The following TULP4 variants were observed in gnomAD, a reference collection of about 807,000 sequenced individuals.
The protein encoded by TULP4 is tubby-related protein 4.
Under a neutral mutation model 129.0 loss-of-function variants are expected in TULP4, and 16 were observed. The observed-to-expected ratio is 0.12, with a 90% confidence interval of 0.08 to 0.19. TULP4 has a LOEUF of 0.19. TULP4 is among the 10% of genes least tolerant of loss of function. The pLI, the probability that TULP4 is intolerant of heterozygous loss-of-function variation, is 1.00. For synonymous variants in TULP4, 998 were observed against 854.0 expected (o/e 1.17, Z -2.94); for missense variants, 1,842 against 2,059.1 (o/e 0.89, Z 2.04).
rs1777863120 is a variant in TULP4 at position 158,240,474 on chromosome 6, G to C, written n.68+8171G>C. 2.4e-5 allele frequency among the ~76,000 whole-genome samples: 2 copies of C among 82,978 alleles called. 1 individual carries two copies. The highest frequency in any genetic ancestry group is 5.4e-5 in the Non-Finnish European group (2 of 37,164). The allele number at this position is 82,978 out of a possible 152,430, so 54.4% of individuals were successfully genotyped here. On this transcript the variant is annotated intron_variant and non_coding_transcript_variant, in intron 1 of 1. Transcript: ENST00000620026. ...GGGGCGGCTGGCTGGGCGGAAGGCT[G>C]ACCCCCCCACCTCCCTCCCGGACAG...
At chr6:158,499,390 A>G (rs1382859920) in intron 12 of TULP4, among the ~76,000 whole-genome samples, 1 of 152,206 alleles carries the variant, frequency 6.6e-6, no homozygotes, top group African/African-American at 2.4e-5. Context: ...TCTGGTAAAC[A>G]GTTTTTAAAT....
chr6:158,461,431 A>AAG, intron 5 of TULP4, 132 bp from the exon 6 acceptor site: 8 of 854,124 alleles, frequency 9.4e-6, no homozygotes, highest in Non-Finnish European at 1.3e-5. Flanking sequence ...AAAAAAGGAA[A>AAG]AAACCATGAA....
At chr6:158,385,195 C>T (rs1308095351) in intron 1 of TULP4, among the ~76,000 whole-genome samples, 1 of 152,144 alleles carries the variant, frequency 6.6e-6, no homozygotes, top group Non-Finnish European at 1.5e-5. Flanking sequence ...TCCACACTCA[C>T]CGAAAGTACC....
chr6:158,371,451 A>C (rs1476264775), intron 1 of TULP4, among the ~76,000 whole-genome samples: 1 of 152,212 alleles, frequency 6.6e-6, no homozygotes, highest in African/African-American at 2.4e-5. Context: ...CCCAACTGAT[A>C]CAGGGTGATA....
At position 158,242,644 on chromosome 6, in the gene TULP4, A is replaced by G. The variant is rs1404093085; in HGVS notation, n.68+10341A>G. The G allele has an allele frequency of 1.9e-5, 13 of 686,070 alleles. No individual in the cohort carries two copies. In the Admixed American group the frequency reaches 2.2e-4, roughly 12 times the overall value. The allele number at this position is 686,070 out of a possible 1,614,324, so 42.5% of individuals were successfully genotyped here. On this transcript the variant is annotated intron_variant and non_coding_transcript_variant, in intron 1 of 1. Transcript: ENST00000620026. ...TTGATGACATTCAAGGCTTCTCTGA[A>G]ACTTCCTTTCTGGATAAGGCATATC...
chr6:158,506,488 C>G, intron 13 of TULP4, 90 bp from the exon 14 acceptor site: 1 of 865,456 alleles, frequency 1.2e-6, no homozygotes, highest in South Asian at 1.3e-5. Flanking sequence ...ACCTCGGCCT[C>G]CCAAAGTGCT....
intron 1 of TULP4, among the ~76,000 whole-genome samples, chr6:158,241,663 T>TGGCTCACCGCAACCTC (rs1355991529): frequency 4.6e-5 from 7 of 152,170 alleles, no homozygotes; most frequent in Non-Finnish European, 8.8e-5. Context: ...GGCGTGACCT[T>TGGCTCACCGCAACCTC]GGCTCACCGC....
At chr6:158,449,331 A>G (rs1412559804) in intron 4 of TULP4, among the ~76,000 whole-genome samples, 155 bp downstream of exon 4, 3 of 152,162 alleles carry the variant, frequency 2.0e-5, no homozygotes, top group African/African-American at 7.2e-5. Context: ...AATGCAAGGT[A>G]GGGCTGGCCT....
At chr6:158,242,111 G>A in intron 1 of TULP4, 2 of 849,546 alleles carry the variant, frequency 2.4e-6, no homozygotes, top group Admixed American at 1.7e-5. Flanking sequence ...GTTTGACCCT[G>A]AAGCTGCAGA....
At chr6:158,429,609 C>A in intron 2 of TULP4, 127 bp from the exon 3 acceptor site, 1 of 1,034,284 alleles carries the variant, frequency 9.7e-7, no homozygotes, top group Non-Finnish European at 1.4e-6. Context: ...TTTCAAATAA[C>A]ATATGTTATA....
chr6:158,481,265 G>A lies in TULP4; in HGVS notation c.1462G>A (p.Asp488Asn). The A allele has an allele frequency of 6.2e-7, 1 of 1,614,004 alleles. No individual in the cohort carries two copies. The highest frequency in any genetic ancestry group is 8.5e-7 in the Non-Finnish European group (1 of 1,179,916). Reference protein sequence around the residue: ...SKLRPEFVIMDPRTDSKPDEI... With the variant: ...SKLRPEFVIMNPRTDSKPDEI... ...GCTGCGGCCAGAGTTCGTCATCATG[G>A]ACCCGCGGACAGATAGCAAACCAGG... The change falls in exon 8 of 14, where the codon GAC becomes AAC. Residue 488 changes from aspartate (D) to asparagine (N), a missense_variant. Around this residue, in one of 5 missense-constraint regions of TULP4, gnomAD observed 456 missense variants for 534.3 expected, o/e 0.85. Coordinates refer to ENST00000367097, the MANE Select transcript of TULP4 (RefSeq NM_020245.5).
chr6:158,238,435 A>G, intron 1 of TULP4: 1 of 449,812 alleles, frequency 2.2e-6, no homozygotes, highest in South Asian at 4.1e-5. Context: ...TTTTTTTTAA[A>G]TTTATTTTTT....
chr6:158,324,704 A>G (rs1779709051), intron 1 of TULP4, among the ~76,000 whole-genome samples: 2 of 152,194 alleles, frequency 1.3e-5, no homozygotes, highest in Admixed American at 1.3e-4. Context: ...TGTAGCCCTC[A>G]TAACATCTCT....
rs1429625592 is a variant in TULP4 at position 158,510,679 on chromosome 6, A to G, written c.*3985A>G. ...TTGTGTTTGTTCTCATAGAATATAC[A>G]AAAGTACTGATTCTAGGTAAGAAGG... On this transcript the variant is annotated 3_prime_UTR_variant, in exon 14 of 14. Coordinates refer to ENST00000367097, the MANE Select transcript of TULP4 (RefSeq NM_020245.5). 1 of 152,256 alleles carries G rather than the reference A, an allele frequency of 6.6e-6. No individual in the cohort carries two copies. The highest frequency in any genetic ancestry group is 6.5e-5 in the Admixed American group (1 of 15,280). 9.4% of individuals were successfully genotyped at this position (152,256 alleles called of 1,614,324 possible).
upstream of TULP4, among the ~76,000 whole-genome samples, chr6:158,278,937 TTTTG>T (rs1443593911): frequency 1.8e-4 from 18 of 97,958 alleles, no homozygotes; most frequent in African/African-American, 7.5e-4. Flanking sequence ...TGTTGTTTTT[TTTTG>T]TTTTTTTTTT....
intron 5 of TULP4, among the ~76,000 whole-genome samples, chr6:158,452,678 C>G (rs1217858410): frequency 6.6e-6 from 1 of 152,228 alleles, no homozygotes; most frequent in Non-Finnish European, 1.5e-5. Flanking sequence ...AAGAATCTGA[C>G]AGTCTTATTA....
At chr6:158,491,618 G>A (rs1488668345) in intron 9 of TULP4, among the ~76,000 whole-genome samples, 3 of 151,188 alleles carry the variant, frequency 2.0e-5, no homozygotes, top group East Asian at 3.9e-4. Flanking sequence ...TCAGCCTCCC[G>A]AGTAGCTGGG....
At chr6:158,437,582 A>T (rs1477987045) in intron 3 of TULP4, among the ~76,000 whole-genome samples, 3 of 152,148 alleles carry the variant, frequency 2.0e-5, no homozygotes, top group Middle Eastern at 3.2e-3. Context: ...AATAATATTT[A>T]AAAAAATAAT....
chr6:158,429,727 G>A lies in TULP4; in HGVS notation c.382-9G>A. 1.2e-6 allele frequency: 2 copies of A among 1,606,120 alleles called. No individual in the cohort carries two copies. Among genetic ancestry groups the A allele is most frequent in the Admixed American group, 1.7e-5 (1 of 59,082 alleles). Reference sequence around the variant, plus strand: ...TACAAATTGACTCTTTTCTGTGTGTGTCCCCAAGGTGAGTGATTTCACGTG... The same window carrying A: ...TACAAATTGACTCTTTTCTGTGTGTATCCCCAAGGTGAGTGATTTCACGTG... On this transcript the variant is annotated splice_polypyrimidine_tract_variant and intron_variant, in intron 2 of 13. Coordinates refer to ENST00000367097, the MANE Select transcript of TULP4 (RefSeq NM_020245.5).
Sources: gnomAD v4.1 joint callset for allele counts (sites outside exome capture counted in the v4.1 genomes callset) on GRCh38, gnomAD v4.1.1 for gene constraint, gnomAD v4.1.1 regional missense constraint, MANE v1.5 for transcripts, NCBI Gene and HGNC (gene_info 2026-07-23, HGNC 2026-07-21) for gene names.